GABRR1: variants seen among roughly 807,000 people sequenced by gnomAD.
GABRR1 encodes the protein gamma-aminobutyric acid receptor subunit rho-1.
In GABRR1, 59 loss-of-function variants were observed where a neutral mutation model predicts 55.5. The observed-to-expected ratio is 1.06, with a 90% CI of 0.86 to 1.32. The LOEUF (loss-of-function observed/expected upper bound fraction) is 1.32. Ranked by LOEUF, GABRR1 falls within the 40% of genes most tolerant of loss-of-function variation. The probability of loss-of-function intolerance (pLI) is 0.00; values close to 1 mark genes in which losing one functional copy is unlikely to be tolerated. For synonymous variants in GABRR1, 213 were observed against 226.0 expected (o/e 0.94, Z 0.51); for missense variants, 602 against 619.1 (o/e 0.97, Z 0.29).
At position 89,199,402 on chromosome 6, in the gene GABRR1, A is replaced by T; in HGVS notation, c.308T>A (p.Val103Glu). 1 of 1,614,094 alleles carries T rather than the reference A, an allele frequency of 6.2e-7. No homozygotes were observed. The highest frequency in any genetic ancestry group is 8.5e-7 in the Non-Finnish European group (1 of 1,179,968). The change falls in exon 4 of 10, where the codon GTG becomes GAG. Residue 103 changes from valine (V) to glutamate (E), a missense_variant. Val to Glu is a moderately radical substitution (Grantham distance 121). Coordinates refer to ENST00000454853, the MANE Select transcript of GABRR1 (RefSeq NM_002042.5). ...GATGCTATCCAAACTCTCCACCTGC[A>T]CATCCACACCAACAGGAATGGCAGG... ...GGPAIPVGVD[V>E]QVESLDSISE...
chr6:89,229,198 G>C (rs767672288), intron 1 of GABRR1, among the ~76,000 whole-genome samples: 10,229 of 151,576 alleles, frequency 0.067, 468 homozygotes, highest in South Asian at 0.1. Context: ...CACACTGATG[G>C]GTCTTGACTC....
chr6:89,180,365 G>A lies in GABRR1; in HGVS notation c.1073C>T (p.Ser358Leu), dbSNP rs570984233. 5.0e-6 allele frequency: 8 copies of A among 1,613,890 alleles called. No individual in the cohort carries two copies. The highest frequency in any genetic ancestry group is 1.7e-4 in the Middle Eastern group (1 of 6,056). ...GTTGACGGCCGCATACTCCAGCACC[G>A]AGAGGAACACGAACACAAAGCTGAC... Reference protein sequence around the residue: ...LWVSFVFVFLSVLEYAAVNYL... With the variant: ...LWVSFVFVFLLVLEYAAVNYL... The change falls in exon 9 of 10, where the codon TCG (serine) becomes TTG (leucine). Residue 358 changes from serine (S) to leucine (L), a missense_variant. Transcript: ENST00000454853.
intron 1 of GABRR1, among the ~76,000 whole-genome samples, chr6:89,223,221 C>G (rs1270782815): frequency 6.6e-6 from 1 of 152,134 alleles, no homozygotes; most frequent in Non-Finnish European, 1.5e-5. Context: ...TTCCCCGAGT[C>G]CTCTAAGTCC....
intron 1 of GABRR1, among the ~76,000 whole-genome samples, chr6:89,225,487 T>C (rs1773186000): frequency 7.2e-6 from 1 of 138,634 alleles, no homozygotes; most frequent in South Asian, 2.4e-4. Flanking sequence ...ATTGTTCAAT[T>C]CCCACCTATG....
intron 1 of GABRR1, among the ~76,000 whole-genome samples, chr6:89,210,412 TC>T (rs1459375790): frequency 5.3e-5 from 8 of 152,066 alleles, no homozygotes; most frequent in Admixed American, 1.3e-4. Flanking sequence ...TAGGCTGGTC[TC>T]TAACTCCTGG....
At chr6:89,223,553 GGATA>G (rs1405258420) in intron 1 of GABRR1, among the ~76,000 whole-genome samples, 1 of 152,038 alleles carries the variant, frequency 6.6e-6, no homozygotes, top group Non-Finnish European at 1.5e-5. Flanking sequence ...CTTTTCCTCT[GGATA>G]GATACTCAGT....
At chr6:89,182,753 T>C (rs1292724594) in intron 7 of GABRR1, among the ~76,000 whole-genome samples, 9 of 152,038 alleles carry the variant, frequency 5.9e-5, no homozygotes, top group Non-Finnish European at 1.2e-4. Context: ...GGCTCATGCC[T>C]GTAATCCCAG....
At chr6:89,196,576 G>T (rs1772277393) in intron 5 of GABRR1, among the ~76,000 whole-genome samples, 1 of 152,036 alleles carries the variant, frequency 6.6e-6, no homozygotes, top group African/African-American at 2.4e-5. Context: ...TTCAAGACTA[G>T]CCTGAGCAAC....
intron 1 of GABRR1, among the ~76,000 whole-genome samples, chr6:89,227,049 T>A (rs1319863372): frequency 0.018 from 1,208 of 66,512 alleles, no homozygotes; most frequent in Non-Finnish European, 0.025. Flanking sequence ...AGTTCACTCA[T>A]GATTTGGCTT....
intron 3 of GABRR1, among the ~76,000 whole-genome samples, chr6:89,200,489 T>C (rs1412914825): frequency 6.6e-6 from 1 of 151,976 alleles, no homozygotes; most frequent in Non-Finnish European, 1.5e-5. Flanking sequence ...GCTCAGGCAA[T>C]CTGCCCACCT....
chr6:89,220,495 G>A (rs191805277), upstream of GABRR1, among the ~76,000 whole-genome samples: 378 of 152,316 alleles, frequency 2.5e-3, 2 homozygotes, highest in African/African-American at 8.6e-3. Flanking sequence ...AACTTAGAAA[G>A]TCATGGCATT....
rs541129508 is a variant in GABRR1, at chr6:89,188,603, A to T, written c.655+1562T>A. On this transcript the variant is annotated intron_variant, in intron 6 of 9. Coordinates refer to ENST00000454853, the MANE Select transcript of GABRR1 (RefSeq NM_002042.5). ...GTCTTTTGTCCATTTTTTTAAGCAG[A>T]TTGTTTTGTTGTTGTTGTTGAGTTT... 1.4e-4 allele frequency among the ~76,000 whole-genome samples: 19 copies of T among 134,300 alleles called. No homozygotes were observed. In the East Asian group the frequency reaches 3.7e-3, roughly 26 times the overall value. 88.1% of individuals were successfully genotyped at this position (134,300 alleles called of 152,430 possible). A position where few individuals can be genotyped will look rare whatever the true frequency, so the allele number is the denominator to read the frequency against.
chr6:89,201,320 C>T, intron 2 of GABRR1, 55 bp from the exon 3 acceptor site: 1 of 1,189,820 alleles, frequency 8.4e-7, no homozygotes, highest in Non-Finnish European at 1.3e-6. Flanking sequence ...GACAAATAAA[C>T]AGTAACTTGC....
intron 5 of GABRR1, among the ~76,000 whole-genome samples, chr6:89,194,927 G>GT (rs997690938): frequency 6.6e-6 from 1 of 152,172 alleles, no homozygotes; most frequent in African/African-American, 2.4e-5. Flanking sequence ...AATTATTGGT[G>GT]TTCAAGACAG....
At chr6:89,180,551 A>G (rs1352413338) in intron 8 of GABRR1, 63 bp from the exon 9 acceptor site, 2 of 1,575,858 alleles carry the variant, frequency 1.3e-6, no homozygotes, top group Non-Finnish European at 1.7e-6. Context: ...GGATGGTTTC[A>G]TGTCTCTGCT....
intron 1 of GABRR1, among the ~76,000 whole-genome samples, chr6:89,210,182 ATTTTTTTTTTTTTTTTT>A (rs60158472): frequency 3.7e-5 from 3 of 80,200 alleles, no homozygotes; most frequent in South Asian, 9.5e-4. Flanking sequence ...TTCTGCAGCA[ATTTTTTTTTTTTTTTTT>A]TTTTTTTTTT....
chr6:89,196,855 G>GAAAGAAAGAAAGAAAGAAA (rs1562296741), intron 5 of GABRR1, among the ~76,000 whole-genome samples: 2 of 135,776 alleles, frequency 1.5e-5, no homozygotes, highest in African/African-American at 5.6e-5. Flanking sequence ...AAGAAAGAAA[G>GAAAGAAAGAAAGAAAGAAA]AAAGAAAGAA....
upstream of GABRR1, among the ~76,000 whole-genome samples, chr6:89,222,176 G>GTCAC (rs1773124160): frequency 6.6e-6 from 1 of 152,218 alleles, no homozygotes; most frequent in African/African-American, 2.4e-5. Context: ...TGGCCTGATA[G>GTCAC]TCACTCCTAA....
At chr6:89,226,420 C>A (rs1357711093) in intron 1 of GABRR1, among the ~76,000 whole-genome samples, 1 of 148,122 alleles carries the variant, frequency 6.8e-6, no homozygotes, top group Non-Finnish European at 1.5e-5. Context: ...AATCTTTAAT[C>A]CATCTTGAAT....
Sources: gnomAD v4.1 joint callset for allele counts (sites outside exome capture counted in the v4.1 genomes callset) on GRCh38, gnomAD v4.1.1 for gene constraint, MANE v1.5 for transcripts, NCBI Gene and HGNC (gene_info 2026-07-23, HGNC 2026-07-21) for gene names.